The following NEDD4 variants were observed in gnomAD, a reference collection of about 807,000 sequenced individuals.
NEDD4 encodes the protein NEDD4 E3 ubiquitin protein ligase.
NEDD4 carries 99 observed loss-of-function variants against 144.9 expected under a neutral mutation model. The ratio of observed to expected loss-of-function variants is 0.68; its 90% confidence interval spans 0.58 to 0.81. The LOEUF is 0.81. Ranked by LOEUF, NEDD4 falls within the 30% of genes least tolerant of loss-of-function variation. The probability of loss-of-function intolerance (pLI) is 0.00; values close to 1 mark genes in which losing one functional copy is unlikely to be tolerated. For missense variants in NEDD4, 985 were observed against 1,065.9 expected, an observed-to-expected ratio of 0.92 and a Z score of 1.06; for synonymous variants, 318 against 350.6, an observed-to-expected ratio of 0.91 and a Z score of 1.04.
rs535843709 is a variant in NEDD4, at chr15:55,856,253, G to C, written c.961-57C>G. On this transcript the variant is annotated intron_variant, in intron 11 of 28. Transcript: ENST00000435532. ...CTTGATATTTGTGATTTGCCTTTGA[G>C]TGACAGCTAAGGTAGTGAGGGTAAA... 2.7e-6 allele frequency: 4 copies of C among 1,478,362 alleles called. No homozygotes were observed. The East Asian group carries it at 9.1e-5, about 34-fold the overall frequency. 91.6% of individuals were successfully genotyped at this position (1,478,362 alleles called of 1,614,324 possible). A position where few individuals can be genotyped will look rare whatever the true frequency, so the allele number is the denominator to read the frequency against.
Position 55,828,856 on chromosome 15 carries a change from A to C in NEDD4, c.*1041T>G, listed in dbSNP as rs2032810952. 6.6e-6 allele frequency: 1 copy of C among 152,646 alleles called. No individual in the cohort carries two copies. Among genetic ancestry groups the C allele is most frequent in the South Asian group, 2.1e-4 (1 of 4,824 alleles). The allele number at this position is 152,646 out of a possible 1,614,324, so 9.5% of individuals were successfully genotyped here. ...ATTATAACAACTCTTTGGTTATTTTAAACAAATTATTTGGTTTTTTTACTA... is the reference window on the plus strand; with the variant it reads ...ATTATAACAACTCTTTGGTTATTTTCAACAAATTATTTGGTTTTTTTACTA... On this transcript the variant is annotated 3_prime_UTR_variant, in exon 29 of 29. Transcript: ENST00000435532.
At chr15:55,951,267 G>T in intron 4 of NEDD4, 109 bp downstream of exon 4, 3 of 533,600 alleles carry the variant, frequency 5.6e-6, no homozygotes, top group Non-Finnish European at 9.6e-6. Context: ...ACAACTTTAG[G>T]CAAATTCTGA....
intron 2 of NEDD4, among the ~76,000 whole-genome samples, chr15:55,951,868 T>C (rs1460775854): frequency 6.6e-6 from 1 of 152,076 alleles, no homozygotes; most frequent in Non-Finnish European, 1.5e-5. Flanking sequence ...ATTTTTAAAA[T>C]TTTGTTTGAT....
At chr15:55,852,315 A>C in intron 13 of NEDD4, 109 bp downstream of exon 13, 1 of 1,196,150 alleles carries the variant, frequency 8.4e-7, no homozygotes, top group East Asian at 2.8e-5. Flanking sequence ...AAAAAAAAAA[A>C]GAAGGTGGTA....
intron 24 of NEDD4, among the ~76,000 whole-genome samples, chr15:55,837,161 G>A (rs2033245991): frequency 6.6e-6 from 1 of 152,136 alleles, no homozygotes; most frequent in Admixed American, 6.5e-5. Flanking sequence ...CGAGCACGGT[G>A]GCTCACACTG....
chr15:55,954,081 T>C (rs938733233), intron 2 of NEDD4, among the ~76,000 whole-genome samples: 12 of 151,736 alleles, frequency 7.9e-5, no homozygotes, highest in African/African-American at 2.9e-4. Context: ...GTCTCTTCCC[T>C]TTAGATCCAC....
In NEDD4 at chr15:55,838,577, A is replaced by G. The variant is rs145482517; in HGVS notation, c.2059T>C (p.Trp687Arg). 3 of 1,612,120 alleles carry G rather than the reference A, an allele frequency of 1.9e-6. No homozygotes were observed. Among genetic ancestry groups the G allele is most frequent in the Non-Finnish European group, 1.7e-6 (2 of 1,178,738 alleles). ...VDSEYYNSLR[W>R]ILENDPTELD... ...TCTGTTGGGTCATTTTCAAGAATCC[A>G]TCTTAGGGAATTGTAATATTCACTA... The change falls in exon 22 of 29, where the codon TGG (tryptophan) becomes CGG (arginine). Residue 687 changes from tryptophan (W) to arginine (R), a missense_variant. Transcript: ENST00000435532.
intron 8 of NEDD4, among the ~76,000 whole-genome samples, chr15:55,869,333 T>C (rs1294312236): frequency 6.6e-6 from 1 of 152,202 alleles, no homozygotes. Flanking sequence ...TTTAGAAAAC[T>C]TTGAAAAACT....
At chr15:55,938,303 G>A (rs9920159) in intron 4 of NEDD4, among the ~76,000 whole-genome samples, 45,853 of 151,756 alleles carry the variant, frequency 0.3, 7,031 homozygotes, top group South Asian at 0.38. Flanking sequence ...TGGTTGCGGT[G>A]AGCCGAGATC....
At chr15:55,983,708 TCAAA>T (rs2037844652) in intron 1 of NEDD4, among the ~76,000 whole-genome samples, 1 of 151,828 alleles carries the variant, frequency 6.6e-6, no homozygotes, top group South Asian at 2.1e-4. Context: ...ACCTCCCGAT[TCAAA>T]CAATTTTCCT....
chr15:55,863,169 T>G, intron 8 of NEDD4, 90 bp from the exon 9 acceptor site: 1 of 1,160,736 alleles, frequency 8.6e-7, no homozygotes, highest in East Asian at 2.7e-5. Context: ...AAGAGATTTA[T>G]TATATCAAGT....
intron 2 of NEDD4, chr15:55,952,812 A>G (rs1406338619): frequency 6.6e-6 from 1 of 152,012 alleles, no homozygotes; most frequent in Non-Finnish European, 1.5e-5. Context: ...AAATGTTTTT[A>G]AACTCCTCCT....
At chr15:55,855,794 T>A (rs1244747335) in intron 12 of NEDD4, among the ~76,000 whole-genome samples, 3 of 152,218 alleles carry the variant, frequency 2.0e-5, no homozygotes, top group Non-Finnish European at 4.4e-5. Flanking sequence ...GGCTGCTGGA[T>A]GCCATGTGCA....
rs1013268608 is a variant in NEDD4 at position 55,886,822 on chromosome 15, G to A, written c.292-12814C>T. On this transcript the variant is annotated intron_variant, in intron 5 of 28. Transcript: ENST00000435532. ...CTCTGACCACAAAGGAATAAAACTA[G>A]AAATAAATAACAAAAGGAATTTTGG... Among the ~76,000 whole-genome samples the A allele has an allele frequency of 4.8e-4, 73 of 150,630 alleles. 1 individual carries two copies. Among genetic ancestry groups the A allele is most frequent in the African/African-American group, 1.7e-3 (68 of 41,118 alleles).
intron 5 of NEDD4, chr15:55,916,528 A>T (rs1038017230): frequency 6.2e-7 from 1 of 1,614,102 alleles, no homozygotes; most frequent in Non-Finnish European, 8.5e-7. Flanking sequence ...ACATTGCTAG[A>T]CTGAAGATAT....
At chr15:55,971,306 G>GA (rs1472612485) in intron 1 of NEDD4, among the ~76,000 whole-genome samples, 2 of 152,100 alleles carry the variant, frequency 1.3e-5, no homozygotes, top group African/African-American at 4.8e-5. Flanking sequence ...ACAGGATCTA[G>GA]AAAATAGCCT....
At position 55,848,355 on chromosome 15, in the gene NEDD4, C is replaced by A; in HGVS notation, c.1542+17G>T. ...GAGCGGACAGTCCCATCAGAGCACA[C>A]TGGCAGAGAGACTTACTGGTCCAGT... On this transcript the variant is annotated intron_variant, in intron 17 of 28. Coordinates refer to ENST00000435532, the MANE Select transcript of NEDD4 (RefSeq NM_006154.4). 1.2e-6 allele frequency: 2 copies of A among 1,613,346 alleles called. No individual in the cohort carries two copies. Among genetic ancestry groups the A allele is most frequent in the South Asian group, 2.2e-5 (2 of 91,074 alleles).
intron 2 of NEDD4, among the ~76,000 whole-genome samples, chr15:55,957,004 AT>A (rs1237882836): frequency 1.3e-5 from 2 of 152,204 alleles, no homozygotes; most frequent in African/African-American, 2.4e-5. Flanking sequence ...GTGTCCATTT[AT>A]TACAAATCTT....
intron 1 of NEDD4, among the ~76,000 whole-genome samples, chr15:55,971,417 G>A (rs778484050): frequency 1.1e-4 from 16 of 152,098 alleles, no homozygotes; most frequent in Non-Finnish European, 2.2e-4. Context: ...TTGAGGTCAG[G>A]AGTTCGAGAC....
Sources: gnomAD v4.1 joint callset for allele counts (sites outside exome capture counted in the v4.1 genomes callset) on GRCh38, gnomAD v4.1.1 for gene constraint, MANE v1.5 for transcripts, NCBI Gene and HGNC (gene_info 2026-07-23, HGNC 2026-07-21) for gene names.